Variants in GABPB1 observed in about 807,000 individuals in gnomAD.
GABPB1 encodes the protein GA-binding protein subunit beta-1.
GABPB1 carries 15 observed loss-of-function variants against 45.9 expected under a neutral mutation model. That is an observed-to-expected ratio of 0.33 (90% CI 0.22 to 0.50). GABPB1 has a LOEUF of 0.50. GABPB1 is among the 20% of genes least tolerant of loss of function. GABPB1 has a pLI of 0.98. For synonymous variants in GABPB1, 143 were observed against 154.4 expected (o/e 0.93, Z 0.55); for missense variants, 252 against 457.5 (o/e 0.55, Z 4.10).
chr15:50,347,267 C>T (rs1355958453), intron 1 of GABPB1, among the ~76,000 whole-genome samples: 2 of 152,032 alleles, frequency 1.3e-5, no homozygotes, highest in Admixed American at 1.3e-4. Flanking sequence ...CTGAGGGTCA[C>T]TATGAATGGA....
intron 8 of GABPB1, among the ~76,000 whole-genome samples, chr15:50,284,585 G>C (rs917938615): frequency 6.6e-6 from 1 of 152,148 alleles, no homozygotes; most frequent in Non-Finnish European, 1.5e-5. Flanking sequence ...GCTGAACTTT[G>C]AGGGAAACAG....
intron 6 of GABPB1, among the ~76,000 whole-genome samples, chr15:50,296,642 C>T (rs532409920): frequency 2.6e-5 from 4 of 152,138 alleles, no homozygotes; most frequent in Non-Finnish European, 5.9e-5. Context: ...ATTATTCAAC[C>T]TCCACAACCT....
At chr15:50,320,201 C>G (rs2047509885) in intron 1 of GABPB1, among the ~76,000 whole-genome samples, 1 of 152,182 alleles carries the variant, frequency 6.6e-6, no homozygotes, top group Non-Finnish European at 1.5e-5. Flanking sequence ...GAGTTTCGCT[C>G]TTGTTGCCCA....
At chr15:50,285,779 T>C in intron 8 of GABPB1, 1 of 1,172,218 alleles carries the variant, frequency 8.5e-7, no homozygotes, top group Non-Finnish European at 1.1e-6. Context: ...GTAAGAATGG[T>C]GTGTGTAAGT....
intron 1 of GABPB1, among the ~76,000 whole-genome samples, chr15:50,319,400 C>T (rs2047473661): frequency 6.6e-6 from 1 of 152,154 alleles, no homozygotes; most frequent in Admixed American, 6.5e-5. Context: ...ACACTGTACC[C>T]AACAGGGAAT....
chr15:50,339,117 G>A (rs928164976), intron 1 of GABPB1, among the ~76,000 whole-genome samples: 6 of 152,106 alleles, frequency 3.9e-5, no homozygotes, highest in African/African-American at 1.2e-4. Context: ...TCAGGAGTTC[G>A]AAACCAGTCT....
At chr15:50,345,742 C>T (rs1389022041) in intron 1 of GABPB1, among the ~76,000 whole-genome samples, 1 of 151,416 alleles carries the variant, frequency 6.6e-6, no homozygotes, top group Non-Finnish European at 1.5e-5. Context: ...GATGGAGTCT[C>T]GCTCTGTCGC....
chr15:50,339,116 C>T (rs1228826434), intron 1 of GABPB1, among the ~76,000 whole-genome samples: 3 of 152,108 alleles, frequency 2.0e-5, no homozygotes, highest in Non-Finnish European at 2.9e-5. Context: ...GTCAGGAGTT[C>T]GAAACCAGTC....
chr15:50,306,277 T>C (rs28690939), intron 2 of GABPB1, among the ~76,000 whole-genome samples: 28,364 of 152,040 alleles, frequency 0.19, 2,840 homozygotes, highest in Middle Eastern at 0.23. Flanking sequence ...CCAATATATG[T>C]AGTTTAAGGC....
intron 1 of GABPB1, among the ~76,000 whole-genome samples, chr15:50,315,827 C>A (rs2047306675): frequency 6.6e-6 from 1 of 152,190 alleles, no homozygotes; most frequent in African/African-American, 2.4e-5. Context: ...GTAATCCTAG[C>A]ACTTTGGGAG....
Position 50,278,673 on chromosome 15 carries a change from C to T in GABPB1, c.1111G>A (p.Glu371Lys). 6.2e-7 allele frequency: 1 copy of T among 1,613,354 alleles called. No individual in the cohort carries two copies. The highest frequency in any genetic ancestry group is 8.5e-7 in the Non-Finnish European group (1 of 1,179,752). ...QEAEAYRQKL[E>K]AMTRLQTNKE... ...TTAGTCTGAAGACGAGTCATAGCTT[C>T]CAACTTCTGTCTGTAGGCCTCTGCT... The change falls in exon 9 of 9, where the codon GAA becomes AAA. Residue 371 changes from glutamate to lysine, a missense_variant. Physicochemically the swap from Glu to Lys is moderately conservative, Grantham distance 56. Transcript: ENST00000380877.
chr15:50,320,298 G>A (rs1307637508), intron 1 of GABPB1, among the ~76,000 whole-genome samples: 1 of 152,180 alleles, frequency 6.6e-6, no homozygotes, highest in Admixed American at 6.5e-5. Context: ...CTCCCAAGTA[G>A]CTGGGATTAC....
chr15:50,292,553 AT>A (rs1188407387), intron 6 of GABPB1, among the ~76,000 whole-genome samples: 1 of 152,150 alleles, frequency 6.6e-6, no homozygotes, highest in Non-Finnish European at 1.5e-5. Context: ...ATGGGCTGAT[AT>A]TATGAGCCTC....
chr15:50,339,501 A>G (rs1319147260), intron 1 of GABPB1, among the ~76,000 whole-genome samples: 5 of 141,098 alleles, frequency 3.5e-5, no homozygotes, highest in Admixed American at 7.1e-5. Flanking sequence ...TCCACCTTGG[A>G]AAAAAAAAAA....
At chr15:50,326,066 C>A (rs1225588053) in intron 1 of GABPB1, among the ~76,000 whole-genome samples, 1 of 11,760 alleles carries the variant, frequency 8.5e-5, no homozygotes, top group Non-Finnish European at 1.7e-4. Flanking sequence ...CACCACCACG[C>A]CCAGCTAATT....
At position 50,277,073 on chromosome 15, in the gene GABPB1, C is replaced by A. The variant is rs1476078965; in HGVS notation, c.*1559G>T. 1 of 152,148 alleles carries A rather than the reference C, an allele frequency of 6.6e-6. No individual in the cohort carries two copies. Among genetic ancestry groups the A allele is most frequent in the Non-Finnish European group, 1.5e-5 (1 of 68,020 alleles). The allele number at this position is 152,148 out of a possible 1,614,324, so 9.4% of individuals were successfully genotyped here. On this transcript the variant is annotated 3_prime_UTR_variant, in exon 9 of 9. Transcript: ENST00000380877. Reference sequence around the variant, plus strand: ...TGACAGACCATAGACCCCTTTATTACATTAACAAATATACTGGTAATTCCA... The same window carrying A: ...TGACAGACCATAGACCCCTTTATTAAATTAACAAATATACTGGTAATTCCA...
Position 50,354,968 on chromosome 15 carries a change from C to A in GABPB1, c.-1+17G>T. 1 of 170,686 alleles carries A rather than the reference C, an allele frequency of 5.9e-6. No homozygotes were observed. The highest frequency in any genetic ancestry group is 1.2e-4 in the South Asian group (1 of 8,048). 10.6% of individuals were successfully genotyped at this position (170,686 alleles called of 1,614,324 possible). A position where few individuals can be genotyped will look rare whatever the true frequency, so the allele number is the denominator to read the frequency against. ...CACATCCGGTGGTAACAGGGCCCTA[C>A]ACAGACCCGCACTGACCTGGAAAAG... On this transcript the variant is annotated intron_variant, in intron 1 of 8. Coordinates refer to ENST00000380877, the MANE Select transcript of GABPB1 (RefSeq NM_016654.5).
intron 1 of GABPB1, among the ~76,000 whole-genome samples, chr15:50,321,229 T>A (rs2047558635): frequency 6.6e-6 from 1 of 152,248 alleles, no homozygotes; most frequent in Non-Finnish European, 1.5e-5. Context: ...ATTTTAGTTG[T>A]AATTAGACAC....
rs2045848467 is a variant in GABPB1, at chr15:50,277,090, G to C, written c.*1542C>G. The C allele has an allele frequency of 6.6e-6, 1 of 151,976 alleles. No individual in the cohort carries two copies. 9.4% of individuals were successfully genotyped at this position (151,976 alleles called of 1,614,324 possible). A position where few individuals can be genotyped will look rare whatever the true frequency, so the allele number is the denominator to read the frequency against. On this transcript the variant is annotated 3_prime_UTR_variant, in exon 9 of 9. Coordinates refer to ENST00000380877, the MANE Select transcript of GABPB1 (RefSeq NM_016654.5). ...CTTTATTACATTAACAAATATACTG[G>C]TAATTCCAGTGAAAGAGTTAACAAA...
Sources: gnomAD v4.1 joint callset for allele counts (sites outside exome capture counted in the v4.1 genomes callset) on GRCh38, gnomAD v4.1.1 for gene constraint, MANE v1.5 for transcripts, NCBI Gene and HGNC (gene_info 2026-07-23, HGNC 2026-07-21) for gene names.